The following EYS variants were observed in gnomAD, a reference collection of about 807,000 sequenced individuals.
EYS encodes the protein protein eyes shut homolog.
EYS carries 250 observed loss-of-function variants against 282.1 expected under a neutral mutation model. The ratio of observed to expected loss-of-function variants is 0.89; its 90% CI spans 0.80 to 0.98. The LOEUF (loss-of-function observed/expected upper bound fraction) is 0.98. EYS is among the 50% of genes least tolerant of loss of function. EYS has a pLI of 0.00. For synonymous variants in EYS, 1,355 were observed against 1,282.9 expected (o/e 1.06, Z -1.20); for missense variants, 4,016 against 3,709.0 (o/e 1.08, Z -2.15).
At chr6:64,609,417 C>T (rs1767037898) in intron 24 of EYS, among the ~76,000 whole-genome samples, 1 of 152,042 alleles carries the variant, frequency 6.6e-6, no homozygotes, top group South Asian at 2.1e-4. Flanking sequence ...ATTTGAGCAA[C>T]TGAAGGCTAA....
intron 12 of EYS, among the ~76,000 whole-genome samples, chr6:65,241,641 C>A (rs1767060704): frequency 6.6e-6 from 1 of 152,016 alleles, no homozygotes; most frequent in African/African-American, 2.4e-5. Flanking sequence ...TATATTGTAT[C>A]TTTGCTTATC....
intron 33 of EYS, among the ~76,000 whole-genome samples, chr6:64,015,767 A>C (rs139670681): frequency 1.3e-5 from 2 of 152,186 alleles, no homozygotes; most frequent in African/African-American, 4.8e-5. Context: ...GAACCAGAGG[A>C]AGCATAGCCA....
chr6:64,328,808 T>G (rs969760132), intron 29 of EYS, among the ~76,000 whole-genome samples: 2 of 152,136 alleles, frequency 1.3e-5, no homozygotes, highest in African/African-American at 4.8e-5. Context: ...GATGTGGTTG[T>G]GGTCATGGTC....
At chr6:64,559,957 T>C (rs1483515919) in intron 26 of EYS, among the ~76,000 whole-genome samples, 2 of 152,118 alleles carry the variant, frequency 1.3e-5, no homozygotes, top group Admixed American at 6.6e-5. Context: ...TTCTCCTCTT[T>C]GAGTCCACGT....
intron 28 of EYS, among the ~76,000 whole-genome samples, chr6:64,418,542 G>A (rs999228444): frequency 3.3e-5 from 5 of 152,216 alleles, no homozygotes; most frequent in South Asian, 2.1e-4. Flanking sequence ...TAATATCTAC[G>A]TGATTACCTG....
chr6:64,773,793 C>T (rs1773596637), intron 22 of EYS, among the ~76,000 whole-genome samples: 1 of 151,940 alleles, frequency 6.6e-6, no homozygotes, highest in South Asian at 2.1e-4. Flanking sequence ...AGTGTCTGTT[C>T]ATGTCCTTTG....
intron 32 of EYS, among the ~76,000 whole-genome samples, chr6:64,078,909 A>G (rs779360577): frequency 7.2e-5 from 11 of 152,104 alleles, no homozygotes; most frequent in Admixed American, 1.3e-4. Context: ...TGGTATGGAC[A>G]TGAGCCAGGA....
At chr6:65,157,714 C>G (rs894321428) in intron 12 of EYS, among the ~76,000 whole-genome samples, 1 of 150,494 alleles carries the variant, frequency 6.6e-6, no homozygotes, top group African/African-American at 2.4e-5. Context: ...AGCAAAATAT[C>G]TGAAAGTTTT....
chr6:65,694,150 CAGG>C lies in EYS; in HGVS notation c.-448+12982_-448+12984del, dbSNP rs1430272003. ...TGTCTGTAATCCCAGCTACGCTACT[CAGG>C]AGGCTGAGGCAGGAGAATTGCTTGA... On this transcript the variant is annotated intron_variant, in intron 1 of 42. Coordinates refer to ENST00000503581, the MANE Select transcript of EYS (RefSeq NM_001142800.2). Among the ~76,000 whole-genome samples, 14 of 150,140 alleles carry C rather than the reference CAGG, an allele frequency of 9.3e-5. 3 individuals are homozygous for C. Among genetic ancestry groups the C allele is most frequent in the Admixed American group, 8.0e-4 (12 of 14,942 alleles).
At chr6:64,594,434 C>T (rs530671136) in intron 24 of EYS, among the ~76,000 whole-genome samples, 5 of 151,884 alleles carry the variant, frequency 3.3e-5, no homozygotes, top group East Asian at 1.9e-4. Context: ...ATTTCTAGTT[C>T]GCAACCCAAA....
chr6:64,094,862 ATCTTTCCT>A (rs1772527407), intron 31 of EYS, among the ~76,000 whole-genome samples: 1 of 151,692 alleles, frequency 6.6e-6, no homozygotes, highest in African/African-American at 2.4e-5. Flanking sequence ...TCAATTTTAG[ATCTTTCCT>A]TCTTTCCTTT....
At chr6:63,948,767 G>C (rs868397511) in intron 35 of EYS, among the ~76,000 whole-genome samples, 1 of 152,044 alleles carries the variant, frequency 6.6e-6, no homozygotes, top group African/African-American at 2.4e-5. Context: ...ATGAGGTTTA[G>C]GTTCTTTACT....
At chr6:64,053,229 T>G (rs1388888765) in intron 33 of EYS, among the ~76,000 whole-genome samples, 1 of 152,100 alleles carries the variant, frequency 6.6e-6, no homozygotes, top group Non-Finnish European at 1.5e-5. Flanking sequence ...TTTTATTGTG[T>G]GAAATTTCTA....
chr6:64,601,657 T>A (rs373201850), intron 24 of EYS, among the ~76,000 whole-genome samples: 2 of 152,116 alleles, frequency 1.3e-5, no homozygotes, highest in East Asian at 1.9e-4. Flanking sequence ...TCCTTCTAGA[T>A]CTTTCTTTAT....
rs770620504 is a variant in EYS, at chr6:65,261,930, AGG to A, written c.2023+33931_2023+33932del. Among the ~76,000 whole-genome samples the A allele has an allele frequency of 4.1e-3, 626 of 152,224 alleles. 2 individuals are homozygous for A. Among genetic ancestry groups the A allele is most frequent in the Middle Eastern group, 0.017 (5 of 292 alleles). ...AAGAATTTGCTTTTCCAATTGAACA[AGG>A]TCTACTAACATTATATTTATGGACA... On this transcript the variant is annotated intron_variant, in intron 12 of 42. Coordinates refer to ENST00000503581, the MANE Select transcript of EYS (RefSeq NM_001142800.2).
chr6:64,352,182 CTAAAA>C (rs1771666185), intron 29 of EYS, among the ~76,000 whole-genome samples: 1 of 151,340 alleles, frequency 6.6e-6, no homozygotes, highest in African/African-American at 2.4e-5. Flanking sequence ...TCAATGCACA[CTAAAA>C]TAAATACAGA....
intron 5 of EYS, among the ~76,000 whole-genome samples, chr6:65,424,578 C>A (rs1767592098): frequency 6.6e-6 from 1 of 151,940 alleles, no homozygotes; most frequent in Non-Finnish European, 1.5e-5. Context: ...TATATTACAT[C>A]AAATCTAACT....
At chr6:65,266,514 G>T (rs961702615) in intron 12 of EYS, among the ~76,000 whole-genome samples, 4 of 151,896 alleles carry the variant, frequency 2.6e-5, no homozygotes, top group Non-Finnish European at 5.9e-5. Context: ...ATGAATGAAT[G>T]AAATTTAAAA....
chr6:65,385,958 T>TC (rs1310350153), intron 7 of EYS, among the ~76,000 whole-genome samples: 3 of 151,890 alleles, frequency 2.0e-5, no homozygotes, highest in African/African-American at 7.2e-5. Context: ...GTTTCAATTT[T>TC]CCTTTTGAGT....
Sources: gnomAD v4.1 joint callset for allele counts (sites outside exome capture counted in the v4.1 genomes callset) on GRCh38, gnomAD v4.1.1 for gene constraint, MANE v1.5 for transcripts, NCBI Gene and HGNC (gene_info 2026-07-23, HGNC 2026-07-21) for gene names.